Variants in DOCK11 observed in about 807,000 individuals in gnomAD.
DOCK11 encodes the protein dedicator of cytokinesis protein 11.
DOCK11 carries 70 observed loss-of-function variants against 169.1 expected under a neutral mutation model. The observed-to-expected ratio is 0.41, with a 90% confidence interval of 0.34 to 0.51. DOCK11 has a LOEUF of 0.51. Among genes scored for constraint, DOCK11 ranks in the 20% least tolerant of loss-of-function variants. The pLI, the probability that DOCK11 is intolerant of heterozygous loss-of-function variation, is 0.10. For synonymous variants in DOCK11, 529 were observed against 541.3 expected (o/e 0.98, Z 0.32); for missense variants, 1,166 against 1,538.8 (o/e 0.76, Z 4.05).
At chrX:118,630,052 CT>C (rs1363676055) in intron 34 of DOCK11, among the ~76,000 whole-genome samples, 1 of 110,672 alleles carries the variant, frequency 9.0e-6, no homozygotes, top group African/African-American at 3.3e-5. Flanking sequence ...TAAGATGTTT[CT>C]TATGCTTTCA....
At position 118,676,744 on chromosome X, in the gene DOCK11, C is replaced by CA; in HGVS notation, c.5460+8dup. On this transcript the variant is annotated splice_region_variant and intron_variant, in intron 48 of 52. Transcript: ENST00000276202. ...AATTCAGGATTCAGACAAGGTAACA[C>CA]ATACCCTACATGTTGAAATCATTAT... The CA allele has an allele frequency of 8.4e-7, 1 of 1,186,239 alleles. No individual in the cohort carries two copies. Among genetic ancestry groups the CA allele is most frequent in the Non-Finnish European group, 1.1e-6 (1 of 880,099 alleles).
rs758900115 is a variant in DOCK11 at position 118,652,249 on chromosome X, A to C, written c.4695+172A>C. ...TCACTATATCTCTAGTACCTAGAAC[A>C]CTGCCTGGTACATAGCATATATTCA... On this transcript the variant is annotated intron_variant, in intron 42 of 52. Transcript: ENST00000276202. Among the ~76,000 whole-genome samples, 106 of 111,738 alleles carry C rather than the reference A, an allele frequency of 9.5e-4. 1 individual carries two copies. The highest frequency in any genetic ancestry group is 3.3e-3 in the African/African-American group (102 of 30,803).
chrX:118,681,832 G>A (rs956475656), intron 51 of DOCK11, 38 bp downstream of exon 51: 32 of 1,044,363 alleles, frequency 3.1e-5, no homozygotes, highest in South Asian at 4.4e-5. Context: ...ACCCGTGTTC[G>A]TTTTCTCTAT....
rs144804111 is a variant in DOCK11, at chrX:118,536,446, C to T, written c.103-6279C>T. ...TGCTTCTCCTCATATTCACACACCACTCTTGACAGTTACCTAGTCTCTGAT... is the reference window on the plus strand; with the variant it reads ...TGCTTCTCCTCATATTCACACACCATTCTTGACAGTTACCTAGTCTCTGAT... On this transcript the variant is annotated intron_variant, in intron 1 of 52. Transcript: ENST00000276202. 4.0e-3 allele frequency among the ~76,000 whole-genome samples: 452 copies of T among 111,934 alleles called. 1 individual carries two copies. The highest frequency in any genetic ancestry group is 9.3e-3 in the Middle Eastern group (2 of 215).
At chrX:118,590,847 G>T (rs1029025606) in intron 19 of DOCK11, among the ~76,000 whole-genome samples, 1 of 111,516 alleles carries the variant, frequency 9.0e-6, no homozygotes, top group African/African-American at 3.3e-5. Flanking sequence ...AGCCTCTGTG[G>T]TTCCTCCTGA....
At chrX:118,530,813 T>C (rs1002017839) in intron 1 of DOCK11, among the ~76,000 whole-genome samples, 1 of 112,367 alleles carries the variant, frequency 8.9e-6, no homozygotes, top group Non-Finnish European at 1.9e-5. Flanking sequence ...ATGAGTTTGT[T>C]AAGGGCAGGG....
intron 42 of DOCK11, among the ~76,000 whole-genome samples, chrX:118,653,411 G>GTATT (rs2147543682): frequency 9.1e-6 from 1 of 110,340 alleles, no homozygotes; most frequent in African/African-American, 3.3e-5. Context: ...TATTTCTATT[G>GTATT]TATTTATTTA....
chrX:118,661,042 C>T (rs1336636891), intron 44 of DOCK11, among the ~76,000 whole-genome samples: 1 of 108,841 alleles, frequency 9.2e-6, no homozygotes, highest in Non-Finnish European at 1.9e-5. Context: ...GACCTGGTCT[C>T]TACAAAATAT....
In DOCK11 at chrX:118,523,923, A is replaced by C. The variant is rs777571587; in HGVS notation, c.103-18802A>C. ...CTGAACTTGGGTGTCACTTTTCACA[A>C]TAATTACTCAAGCATTCCTCTCCAT... On this transcript the variant is annotated intron_variant, in intron 1 of 52. Coordinates refer to ENST00000276202, the MANE Select transcript of DOCK11 (RefSeq NM_144658.4). Among the ~76,000 whole-genome samples the C allele has an allele frequency of 2.9e-3, 321 of 111,314 alleles. 1 individual carries two copies. The highest frequency in any genetic ancestry group is 3.4e-3 in the Non-Finnish European group (182 of 53,010).
chrX:118,663,962 C>T (rs1376789589), intron 45 of DOCK11, among the ~76,000 whole-genome samples: 1 of 110,782 alleles, frequency 9.0e-6, no homozygotes, highest in South Asian at 3.8e-4. Flanking sequence ...CATGAGCCAC[C>T]GCACCTGGCC....
chrX:118,496,589 A>G (rs962415326), intron 1 of DOCK11, among the ~76,000 whole-genome samples: 4 of 112,297 alleles, frequency 3.6e-5, no homozygotes, highest in Non-Finnish European at 7.5e-5. Context: ...CCGGGCGCCC[A>G]AGCTCGGGCT....
At chrX:118,675,367 T>A (rs2016584290) in intron 46 of DOCK11, among the ~76,000 whole-genome samples, 1 of 112,437 alleles carries the variant, frequency 8.9e-6, no homozygotes, top group Non-Finnish European at 1.9e-5. Flanking sequence ...GTTAAAAATA[T>A]TCCGATCCTG....
intron 40 of DOCK11, among the ~76,000 whole-genome samples, chrX:118,648,039 TA>T (rs769048390): frequency 1.8e-5 from 1 of 54,237 alleles, no homozygotes; most frequent in Non-Finnish European, 3.1e-5. Flanking sequence ...TATTATATAA[TA>T]ATATAATATA....
chrX:118,630,524 T>C (rs1191647797), intron 35 of DOCK11, 34 bp downstream of exon 35: 2 of 934,772 alleles, frequency 2.1e-6, no homozygotes, highest in East Asian at 6.2e-5. Context: ...TGGACTGTAC[T>C]AGACATACAC....
intron 1 of DOCK11, among the ~76,000 whole-genome samples, chrX:118,525,760 A>G (rs1474626492): frequency 8.9e-6 from 1 of 112,056 alleles, no homozygotes; most frequent in Non-Finnish European, 1.9e-5. Flanking sequence ...AGTTGATTGT[A>G]TGTTTTGGAT....
At chrX:118,609,974 A>G (rs918197760) in intron 27 of DOCK11, among the ~76,000 whole-genome samples, 2 of 112,191 alleles carry the variant, frequency 1.8e-5, no homozygotes, top group Admixed American at 1.9e-4. Context: ...CCAGGAAAAA[A>G]GTAGAATGAA....
chrX:118,625,577 A>G (rs1321819781), intron 32 of DOCK11, among the ~76,000 whole-genome samples: 1 of 111,845 alleles, frequency 8.9e-6, no homozygotes, highest in Non-Finnish European at 1.9e-5. Context: ...AACACCACAA[A>G]TCCTTTGAAC....
intron 30 of DOCK11, among the ~76,000 whole-genome samples, chrX:118,617,185 A>G (rs1180581275): frequency 8.9e-6 from 1 of 111,921 alleles, no homozygotes; most frequent in African/African-American, 3.2e-5. Context: ...GATAGTAGAA[A>G]TCTACCACAG....
chrX:118,569,099 T>G (rs930821554), intron 10 of DOCK11, among the ~76,000 whole-genome samples: 3 of 88,956 alleles, frequency 3.4e-5, no homozygotes, highest in Non-Finnish European at 6.7e-5. Flanking sequence ...TCCTTTTTTT[T>G]TTTTTTTTTT....
Sources: gnomAD v4.1 joint callset for allele counts (sites outside exome capture counted in the v4.1 genomes callset) on GRCh38, gnomAD v4.1.1 for gene constraint, MANE v1.5 for transcripts, NCBI Gene and HGNC (gene_info 2026-07-23, HGNC 2026-07-21) for gene names.